SNX30: variants seen among roughly 807,000 people sequenced by gnomAD.
SNX30 encodes sorting nexin family member 30, also known as sorting nexin-30.
A neutral mutation model predicts 46.4 loss-of-function variants in SNX30; 24 were observed. That is an observed-to-expected ratio of 0.52 (90% CI 0.37 to 0.73). SNX30 has a LOEUF of 0.73. SNX30 is among the 30% of genes least tolerant of loss of function. The pLI is 0.00. For synonymous variants in SNX30, 189 were observed against 211.5 expected, an observed-to-expected ratio of 0.89 and a Z score of 0.92; for missense variants, 533 against 555.7, an observed-to-expected ratio of 0.96 and a Z score of 0.41.
downstream of SNX30, among the ~76,000 whole-genome samples, chr9:112,884,350 T>C (rs1409607914): frequency 6.6e-6 from 1 of 152,236 alleles, no homozygotes; most frequent in Non-Finnish European, 1.5e-5. Flanking sequence ...CTTTTCTTCC[T>C]GTGGTTCGAA....
chr9:112,782,918 G>C (rs1037307649), intron 1 of SNX30, among the ~76,000 whole-genome samples: 25 of 152,236 alleles, frequency 1.6e-4, no homozygotes, highest in African/African-American at 5.8e-4. Context: ...TCCGGATTCT[G>C]TTGGGGATTG....
At chr9:112,758,814 C>A (rs909723013) in intron 1 of SNX30, among the ~76,000 whole-genome samples, 1 of 151,964 alleles carries the variant, frequency 6.6e-6, no homozygotes, top group Non-Finnish European at 1.5e-5. Context: ...AGTTTGAGAC[C>A]AGCCTGGGCA....
intron 3 of SNX30, 108 bp downstream of exon 3, chr9:112,817,923 CAT>C (rs1247231445): frequency 1.4e-6 from 1 of 734,624 alleles, no homozygotes; most frequent in Non-Finnish European, 2.5e-6. Flanking sequence ...ACCCAGCAAA[CAT>C]ATATAAAACA....
chr9:112,810,872 A>G lies in SNX30; in HGVS notation c.348+5905A>G, dbSNP rs546625321. Among the ~76,000 whole-genome samples the G allele has an allele frequency of 1.1e-3, 163 of 152,162 alleles. 1 individual carries two copies. Among genetic ancestry groups the G allele is most frequent in the African/African-American group, 3.8e-3 (159 of 41,516 alleles). On this transcript the variant is annotated intron_variant, in intron 2 of 8. Coordinates refer to ENST00000374232, the MANE Select transcript of SNX30 (RefSeq NM_001012994.2). ...GCACGAGCCTCAGAAGGGTTTTCAC[A>G]GGGCGGTTGGGGAGTGGTGGTCAGG...
At chr9:112,789,107 AT>A (rs1403059051) in intron 1 of SNX30, among the ~76,000 whole-genome samples, 2 of 152,182 alleles carry the variant, frequency 1.3e-5, no homozygotes, top group East Asian at 3.9e-4. Context: ...CGAGAACAGG[AT>A]TTTAGGTCGA....
chr9:112,856,536 G>T lies in SNX30; in HGVS notation c.1101+5591G>T, dbSNP rs1453550325. Among the ~76,000 whole-genome samples, 3 of 152,096 alleles carry T rather than the reference G, an allele frequency of 2.0e-5. No homozygotes were observed. The East Asian group carries it at 5.8e-4, about 29-fold the overall frequency. On this transcript the variant is annotated intron_variant, in intron 7 of 8. Coordinates refer to ENST00000374232, the MANE Select transcript of SNX30 (RefSeq NM_001012994.2). The stretch of plus-strand genomic sequence containing the variant: ...CGTGTGGAGGTGACTGGGATGGAAA[G>T]GTGCACAGAGCTGTTCCCCCTCTGG...
At chr9:112,822,954 G>A (rs2098863300) in intron 3 of SNX30, among the ~76,000 whole-genome samples, 1 of 151,594 alleles carries the variant, frequency 6.6e-6, no homozygotes, top group African/African-American at 2.4e-5. Flanking sequence ...GAAAGAGAAA[G>A]GCCAAATCCC....
downstream of SNX30, among the ~76,000 whole-genome samples, chr9:112,882,055 G>C (rs4979178): frequency 0.82 from 125,026 of 152,074 alleles, 52,558 homozygotes; most frequent in Non-Finnish European, 0.91. Context: ...GGCCAGGCCA[G>C]CTTATGCAGG....
At chr9:112,832,340 A>G (rs1840671780) in intron 4 of SNX30, among the ~76,000 whole-genome samples, 1 of 151,858 alleles carries the variant, frequency 6.6e-6, no homozygotes, top group Non-Finnish European at 1.5e-5. Context: ...AAAGCCCTTA[A>G]GCACATTCAT....
At chr9:112,787,758 T>C (rs1375683197) in intron 1 of SNX30, among the ~76,000 whole-genome samples, 1 of 151,540 alleles carries the variant, frequency 6.6e-6, no homozygotes, top group African/African-American at 2.4e-5. Flanking sequence ...GTCCCTATTG[T>C]AGAGGAATGG....
chr9:112,809,148 A>G (rs1357508454), intron 2 of SNX30, among the ~76,000 whole-genome samples: 1 of 150,354 alleles, frequency 6.7e-6, no homozygotes, highest in South Asian at 2.1e-4. Context: ...GTGCAGTGGT[A>G]TGACCTCAGC....
chr9:112,829,053 C>T (rs1305015836), intron 3 of SNX30, among the ~76,000 whole-genome samples: 1 of 152,072 alleles, frequency 6.6e-6, no homozygotes, highest in Non-Finnish European at 1.5e-5. Context: ...ATAATGTTTC[C>T]AGGGTTTTTC....
At chr9:112,862,667 C>G (rs1342807685) in intron 7 of SNX30, among the ~76,000 whole-genome samples, 2 of 151,920 alleles carry the variant, frequency 1.3e-5, no homozygotes, top group Non-Finnish European at 2.9e-5. Context: ...TTTGGGGGAC[C>G]GAGGTGGGAG....
chr9:112,880,865 T>C (rs764035926), intron 5 of SNX30, among the ~76,000 whole-genome samples: 1 of 152,194 alleles, frequency 6.6e-6, no homozygotes, highest in Non-Finnish European at 1.5e-5. Flanking sequence ...AAGGAACTTC[T>C]CTTACTCCAG....
intron 1 of SNX30, among the ~76,000 whole-genome samples, chr9:112,752,127 T>TTTC (rs750232196): frequency 1.4e-4 from 21 of 152,140 alleles, no homozygotes; most frequent in Non-Finnish European, 1.5e-5. Context: ...GGGACCTAAC[T>TTTC]TTCTTCTCCC....
At chr9:112,798,262 A>G (rs1445551570) in intron 1 of SNX30, among the ~76,000 whole-genome samples, 5 of 67,880 alleles carry the variant, frequency 7.4e-5, no homozygotes, top group Admixed American at 1.6e-4. Context: ...ATATCTCCCA[A>G]TGCTATCCCT....
chr9:112,876,600 G>T (rs1841520078), downstream of SNX30, among the ~76,000 whole-genome samples: 1 of 152,054 alleles, frequency 6.6e-6, no homozygotes, highest in Non-Finnish European at 1.5e-5. Context: ...GGACTAGATT[G>T]CATGGGAAGA....
intron 7 of SNX30, 58 bp from the exon 8 acceptor site, chr9:112,864,189 C>G: frequency 6.3e-7 from 1 of 1,585,974 alleles, no homozygotes; most frequent in Non-Finnish European, 8.6e-7. Context: ...CAGAGGAGCT[C>G]AAGGCAAGAG....
chr9:112,766,330 G>A (rs1016900986), intron 1 of SNX30, among the ~76,000 whole-genome samples: 4 of 151,242 alleles, frequency 2.6e-5, no homozygotes, highest in Non-Finnish European at 5.9e-5. Flanking sequence ...GATGGACATT[G>A]GGTTGTTTCC....
Sources: gnomAD v4.1 joint callset for allele counts (sites outside exome capture counted in the v4.1 genomes callset) on GRCh38, gnomAD v4.1.1 for gene constraint, MANE v1.5 for transcripts, NCBI Gene and HGNC (gene_info 2026-07-23, HGNC 2026-07-21) for gene names.